The following FRMPD4 variants were observed in gnomAD, a reference collection of about 807,000 sequenced individuals.
The protein encoded by FRMPD4 is FERM and PDZ domain-containing protein 4.
FRMPD4 carries 22 observed loss-of-function variants against 94.1 expected under a neutral mutation model. The observed-to-expected ratio is 0.23, with a 90% CI of 0.17 to 0.33. FRMPD4 has a LOEUF of 0.33. FRMPD4 is among the 10% of genes least tolerant of loss of function. The pLI, the probability that FRMPD4 is intolerant of heterozygous loss-of-function variation, is 1.00. For missense variants in FRMPD4, 1,111 were observed against 1,339.9 expected (o/e 0.83, Z 2.67); for synonymous variants, 631 against 548.6 (o/e 1.15, Z -2.10).
chrX:12,106,061 A>G (rs2055294783), intron 3 of FRMPD4, among the ~76,000 whole-genome samples: 1 of 111,865 alleles, frequency 8.9e-6, no homozygotes, highest in Non-Finnish European at 1.9e-5. Context: ...TTCCTTGGGC[A>G]TGTCCAGGCT....
At chrX:12,281,214 A>G (rs1217023525) in intron 1 of FRMPD4, among the ~76,000 whole-genome samples, 1 of 111,566 alleles carries the variant, frequency 9.0e-6, no homozygotes, top group African/African-American at 3.3e-5. Context: ...AAAGCTCCAC[A>G]TAAAATTAGG....
chrX:12,714,094 C>A (rs2042037343), intron 14 of FRMPD4, among the ~76,000 whole-genome samples: 1 of 111,825 alleles, frequency 8.9e-6, no homozygotes, highest in Admixed American at 9.4e-5. Flanking sequence ...TGGGCCAAAT[C>A]ATGTTCTTGC....
chrX:12,397,957 C>CTGTT (rs1313953293), intron 1 of FRMPD4, among the ~76,000 whole-genome samples: 1 of 111,522 alleles, frequency 9.0e-6, no homozygotes, highest in Non-Finnish European at 1.9e-5. Context: ...TTTAACAGAA[C>CTGTT]TGTTTACTTC....
At chrX:12,229,067 A>T (rs1270604034) in intron 1 of FRMPD4, among the ~76,000 whole-genome samples, 1 of 112,401 alleles carries the variant, frequency 8.9e-6, no homozygotes, top group African/African-American at 3.2e-5. Flanking sequence ...TTTTGCAGTT[A>T]TCTCTTTAGA....
intron 1 of FRMPD4, among the ~76,000 whole-genome samples, chrX:12,251,460 C>T (rs987357123): frequency 1.4e-4 from 16 of 112,007 alleles, no homozygotes; most frequent in African/African-American, 5.2e-4. Context: ...CTGTCTAGTG[C>T]TGGAACATGG....
chrX:12,514,902 A>T (rs779834984), intron 2 of FRMPD4, among the ~76,000 whole-genome samples: 1 of 111,690 alleles, frequency 9.0e-6, no homozygotes, highest in South Asian at 3.7e-4. Flanking sequence ...AGAACTTGTT[A>T]TTGGTCTATT....
intron 4 of FRMPD4, among the ~76,000 whole-genome samples, chrX:12,660,380 C>A (rs898792954): frequency 3.6e-5 from 4 of 111,435 alleles, no homozygotes; most frequent in African/African-American, 1.3e-4. Context: ...TGTTTTTTTC[C>A]CCTCTACCCC....
chrX:11,991,957 C>A (rs1414650101), intron 3 of FRMPD4, among the ~76,000 whole-genome samples: 2 of 111,498 alleles, frequency 1.8e-5, no homozygotes, highest in Non-Finnish European at 3.8e-5. Context: ...CAAAGACTGG[C>A]CAATTGTAAT....
chrX:12,547,853 T>A (rs1802977855), intron 2 of FRMPD4, among the ~76,000 whole-genome samples: 1 of 112,024 alleles, frequency 8.9e-6, no homozygotes, highest in Non-Finnish European at 1.9e-5. Flanking sequence ...GGATTCTAAA[T>A]AACAAAAGTA....
At chrX:11,873,415 G>A (rs1263830594) in intron 2 of FRMPD4, among the ~76,000 whole-genome samples, 1 of 111,016 alleles carries the variant, frequency 9.0e-6, no homozygotes, top group Non-Finnish European at 1.9e-5. Context: ...GTTATATAGT[G>A]ATGAACAATC....
intron 1 of FRMPD4, among the ~76,000 whole-genome samples, chrX:12,316,659 T>C (rs1235954504): frequency 2.7e-5 from 3 of 111,799 alleles, no homozygotes; most frequent in Non-Finnish European, 5.6e-5. Flanking sequence ...ACTTCTGAAA[T>C]GTATTCCATC....
intron 1 of FRMPD4, among the ~76,000 whole-genome samples, chrX:12,332,768 G>T (rs7050214): frequency 9.0e-6 from 1 of 111,232 alleles, no homozygotes; most frequent in Non-Finnish European, 1.9e-5. Flanking sequence ...GTAATTTAAC[G>T]TTTTTAAAGT....
chrX:12,531,611 G>A (rs1179365510), intron 2 of FRMPD4, among the ~76,000 whole-genome samples: 1 of 111,593 alleles, frequency 9.0e-6, no homozygotes, highest in Non-Finnish European at 1.9e-5. Context: ...CACATTTTGG[G>A]TGGCAAGGTT....
Position 12,609,845 on chromosome X carries a change from A to G in FRMPD4, c.283A>G (p.Ser95Gly). Residue 95 changes from serine (S) to glycine (G), a missense_variant, in exon 3 of 17, where the codon AGT (serine) becomes GGT (glycine). Coordinates refer to ENST00000675598, the MANE Select transcript of FRMPD4 (RefSeq NM_001368397.1). ...PVLGFGFVAG[S>G]EKPVVVRSVT... ...GCTGGGATTTGGTTTTGTGGCAGGCAGTGAAAAGCCAGTGGTCGTTCGCTC... is the reference window on the plus strand; with the variant it reads ...GCTGGGATTTGGTTTTGTGGCAGGCGGTGAAAAGCCAGTGGTCGTTCGCTC... The G allele has an allele frequency of 1.2e-5, 14 of 1,211,563 alleles. No individual in the cohort carries two copies. Among genetic ancestry groups the G allele is most frequent in the South Asian group, 1.8e-5 (1 of 56,949 alleles).
intron 3 of FRMPD4, among the ~76,000 whole-genome samples, chrX:12,612,974 A>T (rs762360472): frequency 5.4e-5 from 6 of 111,868 alleles, no homozygotes; most frequent in Non-Finnish European, 1.1e-4. Flanking sequence ...AGCTTGAATG[A>T]CACATATGCC....
At chrX:12,546,177 CTT>C (rs11321204) in intron 2 of FRMPD4, among the ~76,000 whole-genome samples, 5,952 of 91,870 alleles carry the variant, frequency 0.065, 151 homozygotes, top group African/African-American at 0.08. Context: ...TGCCAACTGT[CTT>C]TTTTTTTTTT....
intron 1 of FRMPD4, among the ~76,000 whole-genome samples, chrX:12,182,821 G>A (rs747460783): frequency 1.4e-4 from 16 of 111,149 alleles, no homozygotes; most frequent in Non-Finnish European, 2.8e-4. Context: ...TGTTTTTACC[G>A]ACAAATCTGA....
chrX:12,134,688 C>G (rs999331985), upstream of FRMPD4, among the ~76,000 whole-genome samples: 6 of 112,284 alleles, frequency 5.3e-5, no homozygotes, highest in Middle Eastern at 4.6e-3. Context: ...ATGCTACAGC[C>G]TAGGGCTTTA....
chrX:12,538,294 T>C (rs1324431602), intron 2 of FRMPD4, among the ~76,000 whole-genome samples: 1 of 111,376 alleles, frequency 9.0e-6, no homozygotes, highest in African/African-American at 3.3e-5. Flanking sequence ...GCGCCCGCCA[T>C]TGCTGAGGCT....
Sources: gnomAD v4.1 joint callset for allele counts (sites outside exome capture counted in the v4.1 genomes callset) on GRCh38, gnomAD v4.1.1 for gene constraint, MANE v1.5 for transcripts, NCBI Gene and HGNC (gene_info 2026-07-23, HGNC 2026-07-21) for gene names.